LHFPL6: variants seen among roughly 807,000 people sequenced by gnomAD.
LHFPL6 encodes LHFPL tetraspan subfamily member 6 protein.
Under a neutral mutation model 20.6 loss-of-function variants are expected in LHFPL6, and 9 were observed. The observed-to-expected ratio is 0.44, with a 90% confidence interval of 0.26 to 0.76. LHFPL6 has a LOEUF of 0.76. LHFPL6 is among the 30% of genes least tolerant of loss of function. The pLI is 0.20. For missense variants in LHFPL6, 218 were observed against 253.5 expected, an observed-to-expected ratio of 0.86 and a Z score of 0.95; for synonymous variants, 105 against 98.7, an observed-to-expected ratio of 1.06 and a Z score of -0.38.
chr13:39,519,109 G>T (rs574786577), intron 2 of LHFPL6, among the ~76,000 whole-genome samples: 1 of 151,852 alleles, frequency 6.6e-6, no homozygotes, highest in Non-Finnish European at 1.5e-5. Context: ...GGTGGTGAGC[G>T]CCTGTAATCC....
intron 2 of LHFPL6, among the ~76,000 whole-genome samples, chr13:39,401,059 C>T (rs1405041653): frequency 6.6e-6 from 1 of 152,058 alleles, no homozygotes; most frequent in Non-Finnish European, 1.5e-5. Flanking sequence ...CTTTATAGAG[C>T]TTATGTGACA....
chr13:39,556,035 C>T (rs939965644), intron 2 of LHFPL6, among the ~76,000 whole-genome samples: 4 of 152,188 alleles, frequency 2.6e-5, no homozygotes, highest in African/African-American at 4.8e-5. Context: ...ATGTGACACA[C>T]CTGCTCCCCC....
chr13:39,528,691 G>A (rs1214225030), intron 2 of LHFPL6, among the ~76,000 whole-genome samples: 1 of 152,196 alleles, frequency 6.6e-6, no homozygotes, highest in Non-Finnish European at 1.5e-5. Context: ...TTTATGAGTT[G>A]CTTCCCGCAC....
chr13:39,369,479 C>T (rs1870097431), intron 3 of LHFPL6, among the ~76,000 whole-genome samples: 1 of 151,910 alleles, frequency 6.6e-6, no homozygotes. Context: ...AAAAGTGATG[C>T]CATGATTCTT....
intron 3 of LHFPL6, among the ~76,000 whole-genome samples, chr13:39,348,757 CCT>C (rs1292153323): frequency 6.6e-6 from 1 of 152,120 alleles, no homozygotes; most frequent in African/African-American, 2.4e-5. Flanking sequence ...CCTGCTATCC[CCT>C]GAGAGAGGCA....
chr13:39,490,137 A>G (rs763139093), intron 2 of LHFPL6, among the ~76,000 whole-genome samples: 14 of 152,202 alleles, frequency 9.2e-5, no homozygotes, highest in Non-Finnish European at 1.8e-4. Context: ...AGAAGATCCT[A>G]TACAGAACTT....
At chr13:39,490,203 C>T (rs1247566807) in intron 2 of LHFPL6, among the ~76,000 whole-genome samples, 1 of 152,166 alleles carries the variant, frequency 6.6e-6, no homozygotes, top group Non-Finnish European at 1.5e-5. Flanking sequence ...TGCTTGGATT[C>T]TAAAACACGG....
chr13:39,363,727 T>C (rs553259458), intron 3 of LHFPL6, among the ~76,000 whole-genome samples: 10 of 152,338 alleles, frequency 6.6e-5, no homozygotes, highest in African/African-American at 2.4e-4. Context: ...AGGCCGGTGA[T>C]GCTGGGTTAC....
chr13:39,477,043 A>C (rs1873101017), intron 2 of LHFPL6, among the ~76,000 whole-genome samples: 1 of 152,040 alleles, frequency 6.6e-6, no homozygotes, highest in Non-Finnish European at 1.5e-5. Flanking sequence ...ATAAATTCAA[A>C]CTCACTGTCC....
intron 2 of LHFPL6, among the ~76,000 whole-genome samples, chr13:39,590,642 T>C (rs1336445439): frequency 6.6e-6 from 1 of 152,198 alleles, no homozygotes; most frequent in African/African-American, 2.4e-5. Flanking sequence ...AGTGATGACT[T>C]TGTGTGGAGT....
intron 2 of LHFPL6, among the ~76,000 whole-genome samples, chr13:39,393,302 A>G (rs888575362): frequency 7.2e-5 from 11 of 152,230 alleles, no homozygotes; most frequent in African/African-American, 2.7e-4. Context: ...GGAAACATTC[A>G]AAACACGGAA....
intron 2 of LHFPL6, among the ~76,000 whole-genome samples, chr13:39,451,298 G>T: frequency 6.6e-6 from 1 of 152,154 alleles, no homozygotes; most frequent in South Asian, 2.1e-4. Flanking sequence ...GTTTTATTCT[G>T]CAGCAACTAA....
intron 2 of LHFPL6, among the ~76,000 whole-genome samples, chr13:39,524,333 G>T (rs142852556): frequency 4.6e-5 from 5 of 107,616 alleles, no homozygotes; most frequent in African/African-American, 1.9e-4. Context: ...CTCACTCACA[G>T]GTAAGGCCTA....
intron 2 of LHFPL6, among the ~76,000 whole-genome samples, chr13:39,519,396 A>G (rs184316686): frequency 6.6e-6 from 1 of 152,322 alleles, no homozygotes; most frequent in East Asian, 1.9e-4. Context: ...GCTCATAGGG[A>G]CATCTTCCTC....
intron 2 of LHFPL6, among the ~76,000 whole-genome samples, chr13:39,458,033 G>A (rs1872610234): frequency 6.6e-6 from 1 of 152,074 alleles, no homozygotes; most frequent in East Asian, 1.9e-4. Context: ...ATATTTTTGG[G>A]AAAAGTGTTA....
intron 3 of LHFPL6, among the ~76,000 whole-genome samples, chr13:39,365,320 C>T (rs142965266): frequency 5.3e-5 from 8 of 152,248 alleles, no homozygotes; most frequent in Admixed American, 2.0e-4. Flanking sequence ...CCACTGGCCA[C>T]CAAGCAGTCT....
Position 39,374,642 on chromosome 13 carries a change from C to T in LHFPL6, c.484+3786G>A, listed in dbSNP as rs1031216295. Among the ~76,000 whole-genome samples, 3 of 152,284 alleles carry T rather than the reference C, an allele frequency of 2.0e-5. No individual in the cohort carries two copies. In the East Asian group the frequency reaches 5.8e-4, roughly 29 times the overall value. On this transcript the variant is annotated intron_variant, in intron 3 of 3. Transcript: ENST00000379589. ...TAACTCACAAAGCGGAAGATATTAT[C>T]TGACCCTTTATAGAAGTGTTTGCCA... is the stretch of plus-strand genomic sequence containing the variant.
intron 2 of LHFPL6, among the ~76,000 whole-genome samples, chr13:39,394,791 A>T (rs1345517650): frequency 6.6e-6 from 1 of 152,196 alleles, no homozygotes; most frequent in African/African-American, 2.4e-5. Context: ...GCTGCAGCTC[A>T]AAGAGATTAG....
intron 3 of LHFPL6, among the ~76,000 whole-genome samples, chr13:39,377,542 A>G (rs1176616648): frequency 6.6e-6 from 1 of 152,240 alleles, no homozygotes; most frequent in African/African-American, 2.4e-5. Context: ...CAGATACTGG[A>G]ATAGACTAAA....
Sources: gnomAD v4.1 joint callset for allele counts (sites outside exome capture counted in the v4.1 genomes callset) on GRCh38, gnomAD v4.1.1 for gene constraint, MANE v1.5 for transcripts, NCBI Gene and HGNC (gene_info 2026-07-23, HGNC 2026-07-21) for gene names.